The following GPC5 variants were observed in gnomAD, a reference collection of about 807,000 sequenced individuals.
GPC5 encodes the protein glypican 5.
In GPC5, 47 loss-of-function variants were observed where a neutral mutation model predicts 53.9. The observed-to-expected ratio is 0.87, with a 90% CI of 0.69 to 1.11. The LOEUF (loss-of-function observed/expected upper bound fraction) is 1.11, where lower values mean the gene tolerates loss of function less well. GPC5 is among the 50% of genes most tolerant of loss of function. The probability of loss-of-function intolerance (pLI) is 0.00; values close to 1 mark genes in which losing one functional copy is unlikely to be tolerated. For missense variants in GPC5, 748 were observed against 713.1 expected (o/e 1.05, Z -0.56); for synonymous variants, 286 against 263.3 (o/e 1.09, Z -0.84).
chr13:92,680,020 A>C (rs996728515), intron 7 of GPC5, among the ~76,000 whole-genome samples: 3 of 152,020 alleles, frequency 2.0e-5, no homozygotes, highest in African/African-American at 7.2e-5. Context: ...TAATGCTACC[A>C]CTAAAGCTTC....
At chr13:92,394,838 T>C (rs1029129476) in intron 7 of GPC5, among the ~76,000 whole-genome samples, 12 of 152,214 alleles carry the variant, frequency 7.9e-5, no homozygotes, top group Admixed American at 3.9e-4. Context: ...TAGTGTTAGT[T>C]TATGGATATA....
intron 7 of GPC5, among the ~76,000 whole-genome samples, chr13:92,215,541 T>A (rs1336706935): frequency 6.6e-6 from 1 of 152,150 alleles, no homozygotes; most frequent in Non-Finnish European, 1.5e-5. Context: ...GGTGACTCTA[T>A]CCCCTGCATC....
chr13:91,903,292 A>G (rs1285534528), intron 5 of GPC5, among the ~76,000 whole-genome samples: 2 of 152,122 alleles, frequency 1.3e-5, no homozygotes, highest in Non-Finnish European at 1.5e-5. Flanking sequence ...GCTATATACT[A>G]TATCATTATA....
intron 6 of GPC5, among the ~76,000 whole-genome samples, chr13:92,079,555 T>G (rs753029263): frequency 3.1e-4 from 47 of 152,230 alleles, no homozygotes; most frequent in Non-Finnish European, 4.1e-4. Context: ...ACAGAGTGGA[T>G]TAACTCAGTG....
chr13:92,075,015 G>A (rs967723735), intron 6 of GPC5, among the ~76,000 whole-genome samples: 5 of 152,112 alleles, frequency 3.3e-5, no homozygotes, highest in South Asian at 2.1e-4. Context: ...GTTTAGTCCA[G>A]ATCATGATTC....
chr13:91,905,717 T>C (rs1452276018), intron 5 of GPC5, among the ~76,000 whole-genome samples: 1 of 152,068 alleles, frequency 6.6e-6, no homozygotes, highest in African/African-American at 2.4e-5. Context: ...TCTTCAAAGA[T>C]TTTTCAATTT....
At chr13:91,924,546 G>C (rs2039748054) in intron 6 of GPC5, among the ~76,000 whole-genome samples, 1 of 151,804 alleles carries the variant, frequency 6.6e-6, no homozygotes, top group East Asian at 1.9e-4. Context: ...GCAACATGGT[G>C]AAAACCCATC....
intron 7 of GPC5, among the ~76,000 whole-genome samples, chr13:92,175,007 G>A (rs2042099484): frequency 1.3e-5 from 2 of 152,072 alleles, no homozygotes; most frequent in East Asian, 1.9e-4. Flanking sequence ...GCGCCACCAC[G>A]TCCTGCTAAA....
chr13:91,977,583 T>C (rs879599430), intron 6 of GPC5, among the ~76,000 whole-genome samples: 12 of 152,174 alleles, frequency 7.9e-5, no homozygotes, highest in Non-Finnish European at 1.6e-4. Context: ...TATTTTGAGC[T>C]AAACACATTT....
intron 7 of GPC5, among the ~76,000 whole-genome samples, chr13:92,788,239 A>G (rs981791156): frequency 1.3e-5 from 2 of 152,134 alleles, no homozygotes; most frequent in South Asian, 4.1e-4. Context: ...TCTTTCTCAG[A>G]TGATAGTGTA....
chr13:91,748,770 G>A (rs1378677206), intron 4 of GPC5, among the ~76,000 whole-genome samples: 3 of 152,198 alleles, frequency 2.0e-5, no homozygotes, highest in Non-Finnish European at 4.4e-5. Context: ...TGGAGAGGAT[G>A]TGAGGTTTAA....
At chr13:92,021,214 AT>A (rs2040755478) in intron 6 of GPC5, among the ~76,000 whole-genome samples, 1 of 152,332 alleles carries the variant, frequency 6.6e-6, no homozygotes, top group Admixed American at 6.5e-5. Context: ...AATAGCTATG[AT>A]TTGGAAACAA....
rs2042735403 is a variant in GPC5, at chr13:92,257,546, A to ATTTTTTTTTTTTGTTTTTTT, written c.1561+112569_1561+112570insGTTTTTTTTTTTTTTTTTTT. ...AGTGAGAGAGGTTTCTAATACAGGG[A>ATTTTTTTTTTTTGTTTTTTT]TTTTTTTTTTTTTTTTTTTTTGGGG... On this transcript the variant is annotated intron_variant, in intron 7 of 7. Coordinates refer to ENST00000377067, the MANE Select transcript of GPC5 (RefSeq NM_004466.6). Among the ~76,000 whole-genome samples, 3 of 72,966 alleles carry ATTTTTTTTTTTTGTTTTTTT rather than the reference A, an allele frequency of 4.1e-5. 1 individual carries two copies. Among genetic ancestry groups the ATTTTTTTTTTTTGTTTTTTT allele is most frequent in the Admixed American group, 3.8e-4 (2 of 5,318 alleles). The allele number at this position is 72,966 out of a possible 152,430, so 47.9% of individuals were successfully genotyped here.
rs147968539 is a variant in GPC5 at position 91,577,198 on chromosome 13, G to A, written c.326-115989G>A. On this transcript the variant is annotated intron_variant, in intron 2 of 7. Transcript: ENST00000377067. Reference sequence around the variant, plus strand: ...GATGATTGTGGACTTCCTTTTAGCCGCTTAGCTGTCAGGTGGGAATTGTGG... The same window carrying A: ...GATGATTGTGGACTTCCTTTTAGCCACTTAGCTGTCAGGTGGGAATTGTGG... Among the ~76,000 whole-genome samples, 13 of 152,272 alleles carry A rather than the reference G, an allele frequency of 8.5e-5. No homozygotes were observed. The East Asian group carries it at 1.2e-3, about 14-fold the overall frequency.
At chr13:91,415,686 A>G (rs1358403285) in intron 1 of GPC5, among the ~76,000 whole-genome samples, 1 of 146,476 alleles carries the variant, frequency 6.8e-6, no homozygotes, top group Admixed American at 6.9e-5. Flanking sequence ...ATATTGAACA[A>G]AAGTTTTCAT....
At chr13:92,500,848 A>G (rs1566617820) in intron 7 of GPC5, among the ~76,000 whole-genome samples, 1 of 152,154 alleles carries the variant, frequency 6.6e-6, no homozygotes, top group Non-Finnish European at 1.5e-5. Flanking sequence ...TAGATAAATA[A>G]ATCCGCTGCT....
chr13:92,645,433 T>C (rs1671306281), intron 7 of GPC5, among the ~76,000 whole-genome samples: 1 of 152,208 alleles, frequency 6.6e-6, no homozygotes, highest in Non-Finnish European at 1.5e-5. Flanking sequence ...TAATTTAATA[T>C]AAATGTAATC....
chr13:91,448,832 A>T lies in GPC5; in HGVS notation c.235A>T (p.Ile79Phe). ...CTRKMEERYQ[I>F]AARQDMQQFL... ...CAGGAAGATGGAGGAGAGATATCAGATTGCGGCTCGCCAGGATATGCAGCA... is the reference window on the plus strand; with the variant it reads ...CAGGAAGATGGAGGAGAGATATCAGTTTGCGGCTCGCCAGGATATGCAGCA... Residue 79 changes from isoleucine (I) to phenylalanine (F), a missense_variant, in exon 2 of 8, where the codon ATT becomes TTT. Ile to Phe is a conservative substitution (Grantham distance 21, BLOSUM62 0). Transcript: ENST00000377067. 1 of 1,613,810 alleles carries T rather than the reference A, an allele frequency of 6.2e-7. No homozygotes were observed. The highest frequency in any genetic ancestry group is 8.5e-7 in the Non-Finnish European group (1 of 1,179,786).
chr13:92,044,077 C>T (rs2040962360), intron 6 of GPC5, among the ~76,000 whole-genome samples: 1 of 152,102 alleles, frequency 6.6e-6, no homozygotes, highest in South Asian at 2.1e-4. Context: ...AGTTCAATCC[C>T]CTTTGCTCTC....
Sources: allele counts gnomAD v4.1 joint callset (sites outside exome capture counted in the v4.1 genomes callset), GRCh38; gene constraint gnomAD v4.1.1; transcripts MANE v1.5; gene names NCBI Gene and HGNC (gene_info 2026-07-23, HGNC 2026-07-21).